The following RGL1 variants were observed in gnomAD, a reference collection of about 807,000 sequenced individuals.
RGL1 encodes ral guanine nucleotide dissociation stimulator-like 1.
In RGL1, 24 loss-of-function variants were observed where a neutral mutation model predicts 95.2. That is an observed-to-expected ratio of 0.25 (90% confidence interval 0.18 to 0.35). The LOEUF is 0.35. Ranked by LOEUF, RGL1 falls within the 10% of genes least tolerant of loss-of-function variation. The probability of loss-of-function intolerance (pLI) is 1.00; values close to 1 mark genes in which losing one functional copy is unlikely to be tolerated. For synonymous variants in RGL1, 329 were observed against 344.9 expected (o/e 0.95, Z 0.51); for missense variants, 715 against 936.3 (o/e 0.76, Z 3.08).
At chr1:183,655,024 G>T (rs912281644) in intron 1 of RGL1, among the ~76,000 whole-genome samples, 1 of 152,190 alleles carries the variant, frequency 6.6e-6, no homozygotes, top group Non-Finnish European at 1.5e-5. Flanking sequence ...GAAATGTCTA[G>T]CTTCCCCAAC....
In RGL1 at chr1:183,768,461, CTT is replaced by C. The variant is rs71130639; in HGVS notation, c.132+26194_132+26195del. Among the ~76,000 whole-genome samples the C allele has an allele frequency of 7.9e-4, 66 of 83,846 alleles. 2 individuals are homozygous for C. In the East Asian group the frequency reaches 0.021, roughly 26 times the overall value. The allele number at this position is 83,846 out of a possible 152,430, so 55.0% of individuals were successfully genotyped here. On this transcript the variant is annotated intron_variant, in intron 2 of 18. Coordinates refer to the RGL1 transcript ENST00000304685. ...ATAATTTGAACTAACCTTTAGATAA[CTT>C]TTTTTTTTTTTTTTTTTTTTTGGAG...
chr1:183,656,683 C>T (rs1343397550), intron 1 of RGL1, among the ~76,000 whole-genome samples: 1 of 152,212 alleles, frequency 6.6e-6, no homozygotes, highest in Non-Finnish European at 1.5e-5. Context: ...CCCAATTTGC[C>T]AGTCGTTCCT....
chr1:183,856,376 T>TG (rs1400378695), intron 3 of RGL1, among the ~76,000 whole-genome samples: 4 of 151,768 alleles, frequency 2.6e-5, no homozygotes, highest in Non-Finnish European at 5.9e-5. Flanking sequence ...TTTGGCTCTG[T>TG]GGGGGGTTAC....
intron 1 of RGL1, among the ~76,000 whole-genome samples, chr1:183,708,829 G>A (rs568626736): frequency 6.6e-6 from 1 of 152,356 alleles, no homozygotes; most frequent in East Asian, 1.9e-4. Flanking sequence ...TCCTTTGTCC[G>A]GTTGCTGTGG....
chr1:183,910,086 T>TTTCC (rs945304236), intron 14 of RGL1, among the ~76,000 whole-genome samples: 12 of 152,222 alleles, frequency 7.9e-5, no homozygotes, highest in South Asian at 2.1e-4. Context: ...TTCTTTCTTC[T>TTTCC]TTCCTTCCTT....
At chr1:183,917,306 A>G (rs1305292514) in intron 16 of RGL1, among the ~76,000 whole-genome samples, 1 of 152,244 alleles carries the variant, frequency 6.6e-6, no homozygotes, top group African/African-American at 2.4e-5. Context: ...AATTGCAAAG[A>G]TATTTTTAAT....
intron 2 of RGL1, among the ~76,000 whole-genome samples, chr1:183,760,708 G>A (rs181369940): frequency 1.4e-4 from 22 of 151,924 alleles, no homozygotes; most frequent in Non-Finnish European, 2.8e-4. Flanking sequence ...AGGTATGATT[G>A]CACCACTGCA....
At chr1:183,687,995 C>T (rs1369868033) in intron 1 of RGL1, among the ~76,000 whole-genome samples, 1 of 152,084 alleles carries the variant, frequency 6.6e-6, no homozygotes, top group Non-Finnish European at 1.5e-5. Flanking sequence ...GGTTTTGATT[C>T]TAGTCTTGCC....
chr1:183,902,738 G>T (rs759197899), intron 12 of RGL1, 138 bp downstream of exon 12: 1 of 721,116 alleles, frequency 1.4e-6, no homozygotes, highest in Non-Finnish European at 2.3e-6. Context: ...ATTTTGCTTG[G>T]CATTCTCCTA....
intron 2 of RGL1, among the ~76,000 whole-genome samples, chr1:183,832,641 A>G (rs567918482): frequency 6.6e-6 from 1 of 151,852 alleles, no homozygotes; most frequent in South Asian, 2.1e-4. Context: ...TAGTGTGGTT[A>G]AGTCTGACTG....
chr1:183,826,479 T>A (rs1315983929), intron 2 of RGL1, among the ~76,000 whole-genome samples: 2 of 152,170 alleles, frequency 1.3e-5, no homozygotes, highest in Admixed American at 6.5e-5. Context: ...GTTGTTTTTT[T>A]CCCCCTGCTA....
At chr1:183,843,975 G>C (rs534974337) in intron 2 of RGL1, among the ~76,000 whole-genome samples, 1 of 152,086 alleles carries the variant, frequency 6.6e-6, no homozygotes, top group African/African-American at 2.4e-5. Flanking sequence ...CTACAGGCAC[G>C]CACATTACAC....
At chr1:183,849,941 G>A (rs1664727957) in intron 3 of RGL1, among the ~76,000 whole-genome samples, 1 of 152,078 alleles carries the variant, frequency 6.6e-6, no homozygotes, top group Admixed American at 6.5e-5. Flanking sequence ...AAAGATAACT[G>A]CCAGATTGCA....
At chr1:183,905,002 A>G in intron 13 of RGL1, 31 bp downstream of exon 13, 1 of 1,594,264 alleles carries the variant, frequency 6.3e-7, no homozygotes, top group South Asian at 1.1e-5. Context: ...TCGGGGTAGA[A>G]CTGAAGTGTT....
intron 2 of RGL1, among the ~76,000 whole-genome samples, chr1:183,831,686 C>T (rs897141408): frequency 6.6e-6 from 1 of 152,084 alleles, no homozygotes; most frequent in Non-Finnish European, 1.5e-5. Context: ...TATTTAGGGA[C>T]TATAATAATG....
intron 3 of RGL1, among the ~76,000 whole-genome samples, chr1:183,849,483 G>GTTTTTTTTT (rs1418103960): frequency 6.1e-4 from 74 of 120,842 alleles, no homozygotes; most frequent in East Asian, 1.0e-3. Flanking sequence ...CCAGTTTTTA[G>GTTTTTTTTT]TTTTTTTTTT....
chr1:183,902,369 C>T (rs935070644), intron 11 of RGL1, among the ~76,000 whole-genome samples, 199 bp from the exon 12 acceptor site: 2 of 152,192 alleles, frequency 1.3e-5, no homozygotes, highest in Non-Finnish European at 2.9e-5. Flanking sequence ...AGAAGGCTTT[C>T]TGCTTATCCT....
intron 3 of RGL1, among the ~76,000 whole-genome samples, chr1:183,858,080 G>C: frequency 6.6e-6 from 1 of 151,982 alleles, no homozygotes; most frequent in East Asian, 1.9e-4. Context: ...TTTTTGAAAA[G>C]AATATAAAAT....
rs1660257568 is a variant in RGL1 at position 183,787,897 on chromosome 1, C to G, written c.133-18478C>G. 4.6e-5 allele frequency among the ~76,000 whole-genome samples: 7 copies of G among 152,104 alleles called. No homozygotes were observed. The South Asian group carries it at 1.5e-3, about 32-fold the overall frequency. ...TCTCTCACCACGTGATCTCTTACAG[C>G]TCCCCTTCACCTTCCACTATGAGTG... On this transcript the variant is annotated intron_variant, in intron 2 of 18. Transcript: ENST00000304685.
Sources: gnomAD v4.1 joint callset for allele counts (sites outside exome capture counted in the v4.1 genomes callset) on GRCh38, gnomAD v4.1.1 for gene constraint, MANE v1.5 for transcripts, NCBI Gene and HGNC (gene_info 2026-07-23, HGNC 2026-07-21) for gene names.